Variants in KAZN observed in about 807,000 individuals in gnomAD.
The protein encoded by KAZN is kazrin, periplakin interacting protein, also known as kazrin.
Under a neutral mutation model 87.4 loss-of-function variants are expected in KAZN, and 40 were observed. The observed-to-expected ratio is 0.46, with a 90% confidence interval of 0.36 to 0.60. The LOEUF is 0.60. Ranked by LOEUF, KAZN falls within the 20% of genes least tolerant of loss-of-function variation. KAZN has a pLI of 0.00. For missense variants in KAZN, 898 were observed against 1,073.9 expected (o/e 0.84, Z 2.29); for synonymous variants, 466 against 458.3 (o/e 1.02, Z -0.22).
intron 1 of KAZN, among the ~76,000 whole-genome samples, chr1:14,957,875 C>T (rs755455719): frequency 1.3e-5 from 2 of 152,190 alleles, no homozygotes; most frequent in African/African-American, 2.4e-5. Flanking sequence ...TCAGAGGCGC[C>T]CTCGGGCTTC....
At chr1:14,936,321 G>T (rs1036473658) in intron 1 of KAZN, among the ~76,000 whole-genome samples, 1 of 152,204 alleles carries the variant, frequency 6.6e-6, no homozygotes, top group African/African-American at 2.4e-5. Context: ...GATGCGGTTG[G>T]TACCATCAGA....
intron 2 of KAZN, among the ~76,000 whole-genome samples, chr1:14,332,343 G>A (rs1167758232): frequency 6.6e-6 from 1 of 152,166 alleles, no homozygotes; most frequent in Non-Finnish European, 1.5e-5. Flanking sequence ...TCTCCAGGAG[G>A]TGTGGAATTG....
At chr1:13,933,470 C>T (rs1640607294) in intron 1 of KAZN, among the ~76,000 whole-genome samples, 1 of 152,112 alleles carries the variant, frequency 6.6e-6, no homozygotes, top group Non-Finnish European at 1.5e-5. Context: ...CTAGCCTAGG[C>T]AACAAGAGCA....
intron 2 of KAZN, among the ~76,000 whole-genome samples, chr1:14,376,908 T>G (rs1368451561): frequency 6.6e-6 from 1 of 152,242 alleles, no homozygotes; most frequent in South Asian, 2.1e-4. Flanking sequence ...CTATGTATGT[T>G]TTTGTTTGCA....
At chr1:14,591,710 A>C (rs907722966) in intron 2 of KAZN, among the ~76,000 whole-genome samples, 3 of 152,180 alleles carry the variant, frequency 2.0e-5, no homozygotes, top group African/African-American at 7.2e-5. Context: ...TTTAGATGAG[A>C]GATTGCTTGG....
intron 2 of KAZN, among the ~76,000 whole-genome samples, chr1:14,520,042 T>A (rs559991524): frequency 9.9e-5 from 15 of 152,158 alleles, no homozygotes; most frequent in African/African-American, 3.4e-4. Context: ...AGACGCCTTA[T>A]AATTGGGGCC....
At chr1:14,610,666 G>A (rs1202867518) in intron 1 of KAZN, among the ~76,000 whole-genome samples, 2 of 151,986 alleles carry the variant, frequency 1.3e-5, no homozygotes, top group Non-Finnish European at 2.9e-5. Context: ...TCTGACAATG[G>A]CTCCCCTGTG....
At chr1:14,180,498 C>T in exon 2 of KAZN, 1 of 1,550,260 alleles carries the variant, frequency 6.5e-7, no homozygotes, top group Admixed American at 2.0e-5. Flanking sequence ...AAGTCGAAGG[C>T]ACTGGAGGAG....
intron 1 of KAZN, among the ~76,000 whole-genome samples, chr1:13,923,452 A>G (rs1640141474): frequency 6.6e-6 from 1 of 151,582 alleles, no homozygotes; most frequent in Non-Finnish European, 1.5e-5. Flanking sequence ...AGGTGCCTGT[A>G]GTCCCAGCTA....
chr1:14,793,910 G>C (rs145153498), intron 1 of KAZN, among the ~76,000 whole-genome samples: 1 of 152,128 alleles, frequency 6.6e-6, no homozygotes, highest in African/African-American at 2.4e-5. Flanking sequence ...CCGTGCCCTC[G>C]CCTGTTAGGG....
intron 2 of KAZN, among the ~76,000 whole-genome samples, chr1:14,402,221 TG>T (rs1462388264): frequency 6.7e-6 from 1 of 150,136 alleles, no homozygotes; most frequent in Admixed American, 6.7e-5. Context: ...TAAAAAAATT[TG>T]TAAGTTTCTA....
chr1:14,884,266 C>A (rs1369039873), intron 1 of KAZN, among the ~76,000 whole-genome samples: 7 of 152,168 alleles, frequency 4.6e-5, no homozygotes, highest in Middle Eastern at 6.8e-3. Flanking sequence ...GTGGCGGGCA[C>A]CTGTAGTCCC....
intron 2 of KAZN, among the ~76,000 whole-genome samples, chr1:14,416,439 T>TA (rs1232882143): frequency 1.3e-5 from 2 of 152,136 alleles, no homozygotes; most frequent in African/African-American, 4.8e-5. Context: ...GATAGTAATA[T>TA]AAAAAATGAG....
chr1:13,971,757 T>A (rs1014890096), intron 1 of KAZN, among the ~76,000 whole-genome samples: 1 of 152,184 alleles, frequency 6.6e-6, no homozygotes, highest in African/African-American at 2.4e-5. Flanking sequence ...TGGGTGTGCA[T>A]CCTTCACAAA....
rs1321821769 is a variant in KAZN, at chr1:14,111,141, G to A, written c.92-69294G>A. The stretch of plus-strand genomic sequence containing the variant: ...GACATCCATTGAGGGTCTATGCTAT[G>A]CCAGACATTAGGCAAAATGCTAGAG... On this transcript the variant is annotated intron_variant, in intron 1 of 16. Transcript: ENST00000636203. Among the ~76,000 whole-genome samples, 2 of 134,342 alleles carry A rather than the reference G, an allele frequency of 1.5e-5. 1 individual carries two copies. The highest frequency in any genetic ancestry group is 5.8e-5 in the African/African-American group (2 of 34,550). The allele number at this position is 134,342 out of a possible 152,430, so 88.1% of individuals were successfully genotyped here. A position where few individuals can be genotyped will look rare whatever the true frequency, so the allele number is the denominator to read the frequency against.
At chr1:13,976,589 T>C (rs1445215029) in intron 1 of KAZN, among the ~76,000 whole-genome samples, 1 of 152,082 alleles carries the variant, frequency 6.6e-6, no homozygotes, top group African/African-American at 2.4e-5. Context: ...TGGCAGCATT[T>C]TATTTTAAAG....
At chr1:14,670,536 G>C (rs1005107903) in intron 1 of KAZN, among the ~76,000 whole-genome samples, 1 of 152,166 alleles carries the variant, frequency 6.6e-6, no homozygotes, top group African/African-American at 2.4e-5. Flanking sequence ...CTGGGGAGCA[G>C]GTGAAAGCCC....
intron 4 of KAZN, among the ~76,000 whole-genome samples, chr1:15,048,727 G>GTCATGGGTCGTCGATCCTGGGTCGTCGA (rs1673920064): frequency 1.4e-5 from 2 of 143,686 alleles, no homozygotes; most frequent in Non-Finnish European, 3.0e-5. Context: ...TGGGTCGTTG[G>GTCATGGGTCGTCGATCCTGGGTCGTCGA]TCATGGGTCG....
chr1:14,631,515 C>A (rs895488807), intron 1 of KAZN, among the ~76,000 whole-genome samples: 1 of 152,184 alleles, frequency 6.6e-6, no homozygotes, highest in Non-Finnish European at 1.5e-5. Flanking sequence ...TGTAGAGACG[C>A]AGGCCAGGCC....
Sources: allele counts gnomAD v4.1 joint callset (sites outside exome capture counted in the v4.1 genomes callset), GRCh38; gene constraint gnomAD v4.1.1; transcripts MANE v1.5; gene names NCBI Gene and HGNC (gene_info 2026-07-23, HGNC 2026-07-21).